YAF2: variants seen among roughly 807,000 people sequenced by gnomAD.
YAF2 encodes the protein YY1-associated factor 2.
A neutral mutation model predicts 20.1 loss-of-function variants in YAF2; 7 were observed. The observed-to-expected ratio is 0.35, with a 90% confidence interval of 0.20 to 0.65. The LOEUF (loss-of-function observed/expected upper bound fraction) is 0.65, where lower values mean the gene tolerates loss of function less well. Among genes scored for constraint, YAF2 ranks in the 30% least tolerant of loss-of-function variants. YAF2 has a pLI of 0.69. For missense variants in YAF2, 151 were observed against 219.2 expected, an observed-to-expected ratio of 0.69 and a Z score of 1.96; for synonymous variants, 74 against 76.0, an observed-to-expected ratio of 0.97 and a Z score of 0.14.
At chr12:42,234,994 GAAAAA>G in intron 2 of YAF2, 1 of 984,452 alleles carries the variant, frequency 1.0e-6, no homozygotes. Flanking sequence ...TCTCAAAAAA[GAAAAA>G]AGAAAAAAAG....
intron 2 of YAF2, among the ~76,000 whole-genome samples, chr12:42,197,173 A>G (rs2066775068): frequency 1.3e-5 from 2 of 152,204 alleles, no homozygotes; most frequent in African/African-American, 2.4e-5. Flanking sequence ...CTTTGCTCTA[A>G]CCCCAGCCTG....
At chr12:42,168,932 A>T (rs997556709) in intron 2 of YAF2, among the ~76,000 whole-genome samples, 3 of 152,044 alleles carry the variant, frequency 2.0e-5, no homozygotes, top group African/African-American at 2.4e-5. Flanking sequence ...GGCTCATACC[A>T]CCCCTCCCAT....
chr12:42,195,503 C>G (rs1305754520), intron 2 of YAF2, among the ~76,000 whole-genome samples: 1 of 151,958 alleles, frequency 6.6e-6, no homozygotes, highest in East Asian at 1.9e-4. Context: ...AGGGACAGTC[C>G]CCTAGTACAA....
chr12:42,180,028 A>AT (rs142901999), intron 2 of YAF2, among the ~76,000 whole-genome samples: 4 of 152,198 alleles, frequency 2.6e-5, no homozygotes, highest in Non-Finnish European at 5.9e-5. Flanking sequence ...AGTACAAAGT[A>AT]TTTTTCCTAA....
chr12:42,180,103 C>A (rs925016765), intron 2 of YAF2, among the ~76,000 whole-genome samples: 1 of 152,166 alleles, frequency 6.6e-6, no homozygotes, highest in Non-Finnish European at 1.5e-5. Context: ...AGGCAGCCTT[C>A]TAAAATGGCC....
Position 42,179,638 on chromosome 12 carries a change from A to G in YAF2, c.153-17873T>C, listed in dbSNP as rs796134440. ...ACCCCATCTCTACAAAAAATATAAA[A>G]ATGAGCCAGGCGTGGTGGCACGTGC... On this transcript the variant is annotated intron_variant, in intron 2 of 3. Transcript: ENST00000534854. Among the ~76,000 whole-genome samples the G allele has an allele frequency of 8.6e-5, 13 of 151,860 alleles. No homozygotes were observed. The South Asian group carries it at 2.5e-3, about 29-fold the overall frequency.
chr12:42,174,410 A>C (rs560576298), intron 2 of YAF2, among the ~76,000 whole-genome samples: 229 of 151,904 alleles, frequency 1.5e-3, no homozygotes, highest in Admixed American at 4.0e-3. Context: ...AGGACACCAC[A>C]CTCTTCACAT....
chr12:42,221,745 T>A (rs1374883897), intron 2 of YAF2, among the ~76,000 whole-genome samples: 5 of 152,140 alleles, frequency 3.3e-5, no homozygotes, highest in African/African-American at 1.2e-4. Context: ...ATTATGTTAG[T>A]TCCCCAAGTT....
intron 2 of YAF2, among the ~76,000 whole-genome samples, chr12:42,203,412 C>A (rs1021737094): frequency 6.6e-6 from 1 of 152,078 alleles, no homozygotes; most frequent in Non-Finnish European, 1.5e-5. Context: ...CCTTTCCAAT[C>A]CTTTTGGATT....
intron 2 of YAF2, among the ~76,000 whole-genome samples, chr12:42,171,848 C>G (rs1359225745): frequency 6.6e-6 from 1 of 151,770 alleles, no homozygotes; most frequent in Admixed American, 6.6e-5. Context: ...CCTGTAGTCC[C>G]AGCTACCCAG....
intron 2 of YAF2, among the ~76,000 whole-genome samples, chr12:42,191,919 G>C (rs2066622364): frequency 8.6e-5 from 13 of 151,678 alleles, no homozygotes; most frequent in Admixed American, 8.5e-4. Context: ...GTGAAACCCT[G>C]TCTCTACTAA....
At chr12:42,210,698 T>C (rs925581898) in intron 2 of YAF2, 2 of 1,523,388 alleles carry the variant, frequency 1.3e-6, no homozygotes, top group African/African-American at 2.8e-5. Context: ...AATAAGAAGA[T>C]TATTTCATTT....
chr12:42,236,114 G>C, intron 2 of YAF2: 1 of 1,387,724 alleles, frequency 7.2e-7, no homozygotes, highest in East Asian at 2.5e-5. Context: ...GATTATAATT[G>C]TTTCCACTTT....
intron 2 of YAF2, among the ~76,000 whole-genome samples, chr12:42,162,058 A>C (rs1425495499): frequency 6.6e-6 from 1 of 151,866 alleles, no homozygotes; most frequent in African/African-American, 2.4e-5. Flanking sequence ...AATGTATATC[A>C]AAAAAAATGG....
intron 2 of YAF2, among the ~76,000 whole-genome samples, chr12:42,192,219 AGATTTTGGCT>A (rs978654204): frequency 6.6e-6 from 1 of 152,110 alleles, no homozygotes; most frequent in African/African-American, 2.4e-5. Context: ...TAAAGAACCT[AGATTTTGGCT>A]GAGCATCGTG....
At chr12:42,210,430 T>C in intron 2 of YAF2, 1 of 1,534,138 alleles carries the variant, frequency 6.5e-7, no homozygotes, top group Non-Finnish European at 8.7e-7. Flanking sequence ...AGCATGAGAA[T>C]CTTCCTGATG....
intron 2 of YAF2, among the ~76,000 whole-genome samples, chr12:42,177,895 A>G (rs953033069): frequency 6.6e-6 from 1 of 152,030 alleles, no homozygotes; most frequent in Non-Finnish European, 1.5e-5. Context: ...TCCCTACTCT[A>G]TCCTCCTTAC....
intron 2 of YAF2, among the ~76,000 whole-genome samples, chr12:42,179,820 G>A (rs766324496): frequency 9.5e-5 from 14 of 146,880 alleles, no homozygotes; most frequent in African/African-American, 2.5e-4. Context: ...GAAATCAGTA[G>A]TATTAAAAGA....
chr12:42,184,113 G>A (rs1394921187), intron 2 of YAF2, among the ~76,000 whole-genome samples: 1 of 152,146 alleles, frequency 6.6e-6, no homozygotes, highest in Non-Finnish European at 1.5e-5. Context: ...TTAGCTCACT[G>A]TTTAAGCTCA....
Sources: allele counts gnomAD v4.1 joint callset (sites outside exome capture counted in the v4.1 genomes callset), GRCh38; gene constraint gnomAD v4.1.1; transcripts MANE v1.5; gene names NCBI Gene and HGNC (gene_info 2026-07-23, HGNC 2026-07-21).